Variants in BCOR observed in about 807,000 individuals in gnomAD.
BCOR encodes BCL-6 corepressor.
Under a neutral mutation model 86.7 loss-of-function variants are expected in BCOR, and 10 were observed. The observed-to-expected ratio is 0.12, with a 90% CI of 0.07 to 0.20. The LOEUF is 0.20. BCOR is among the 10% of genes least tolerant of loss of function. The probability of loss-of-function intolerance (pLI) is 1.00; values close to 1 mark genes in which losing one functional copy is unlikely to be tolerated. For synonymous variants in BCOR, 611 were observed against 609.0 expected (o/e 1.00, Z -0.05); for missense variants, 1,259 against 1,452.1 (o/e 0.87, Z 2.16).
intron 1 of BCOR, among the ~76,000 whole-genome samples, chrX:40,145,368 C>T (rs1184648424): frequency 1.8e-5 from 2 of 111,899 alleles, no homozygotes; most frequent in Non-Finnish European, 3.8e-5. Flanking sequence ...AAGGGGACAA[C>T]CTCACCCGAC....
At chrX:40,140,950 C>G (rs1937910845) in intron 1 of BCOR, among the ~76,000 whole-genome samples, 1 of 112,979 alleles carries the variant, frequency 8.9e-6, no homozygotes, top group African/African-American at 3.2e-5. Context: ...TTGGGTCACC[C>G]CTGGTTCACT....
intron 1 of BCOR, among the ~76,000 whole-genome samples, chrX:40,144,370 G>C (rs1439366304): frequency 8.9e-6 from 1 of 111,861 alleles, no homozygotes; most frequent in Non-Finnish European, 1.9e-5. Context: ...GAGCTGAAAA[G>C]AAAACGGTGC....
intron 1 of BCOR, among the ~76,000 whole-genome samples, chrX:40,158,366 C>G (rs1023594707): frequency 1.6e-4 from 18 of 111,872 alleles, no homozygotes; most frequent in Non-Finnish European, 2.5e-4. Context: ...GCGCTGCCCC[C>G]GGCGGTAGGA....
chrX:40,108,719 G>A (rs1937241239), intron 1 of BCOR, among the ~76,000 whole-genome samples: 1 of 113,240 alleles, frequency 8.8e-6, no homozygotes, highest in African/African-American at 3.2e-5. Flanking sequence ...AGCGTCCCGC[G>A]CTTGGGCAAG....
At chrX:40,123,832 C>T (rs749728516) in intron 1 of BCOR, among the ~76,000 whole-genome samples, 7 of 110,049 alleles carry the variant, frequency 6.4e-5, no homozygotes, top group South Asian at 3.9e-4. Context: ...CACGCGCGCA[C>T]GCATAAGAGG....
chrX:40,113,615 G>A (rs1937347047), intron 1 of BCOR, among the ~76,000 whole-genome samples: 1 of 110,260 alleles, frequency 9.1e-6, no homozygotes, highest in African/African-American at 3.3e-5. Context: ...AGACCGTATC[G>A]TCCATAATGG....
At chrX:40,071,480 G>A (rs1044454684) in intron 5 of BCOR, among the ~76,000 whole-genome samples, 157 bp downstream of exon 5, 7 of 111,430 alleles carry the variant, frequency 6.3e-5, no homozygotes, top group Non-Finnish European at 9.4e-5. Flanking sequence ...AAAACACAAC[G>A]CAAAGAAAAC....
intron 1 of BCOR, among the ~76,000 whole-genome samples, chrX:40,148,621 A>T (rs1396080869): frequency 2.7e-5 from 3 of 111,246 alleles, no homozygotes; most frequent in Non-Finnish European, 5.7e-5. Flanking sequence ...GGAGAGAGGG[A>T]GTATAAAGGG....
At chrX:40,065,763 T>C (rs1207944836) in intron 6 of BCOR, among the ~76,000 whole-genome samples, 1 of 111,483 alleles carries the variant, frequency 9.0e-6, no homozygotes, top group African/African-American at 3.3e-5. Context: ...GGGTTATGAG[T>C]CTGGTGTCTT....
intron 1 of BCOR, among the ~76,000 whole-genome samples, chrX:40,083,308 C>T (rs1308258299): frequency 1.8e-5 from 2 of 111,073 alleles, no homozygotes; most frequent in African/African-American, 6.5e-5. Context: ...CCTCCCGACC[C>T]CCTCCCCCGA....
chrX:40,077,924 G>C lies in BCOR; in HGVS notation c.6C>G (p.Leu2=), dbSNP rs753699658. 1.7e-6 allele frequency: 2 copies of C among 1,208,405 alleles called. No individual in the cohort carries two copies. Among genetic ancestry groups the C allele is most frequent in the East Asian group, 5.9e-5 (2 of 33,859 alleles). Residue 2 remains leucine, a synonymous_variant, in exon 2 of 15, where the codon CTC becomes CTG. Transcript: ENST00000378444. ...CGTTCCCATACAGGGGGGTTGCTGA[G>C]AGCATGTCGTCTTCTGGGATGGCAG... is the stretch of plus-strand genomic sequence containing the variant. The part of the protein sequence containing the change: M[L]SATPLYGNVH...
Position 40,072,709 on chromosome X carries a change from G to C in BCOR, c.2637C>G (p.Ser879Arg). 8.3e-7 allele frequency: 1 copy of C among 1,211,845 alleles called. No individual in the cohort carries two copies. Among genetic ancestry groups the C allele is most frequent in the Non-Finnish European group, 1.1e-6 (1 of 895,543 alleles). Residue 879 changes from serine to arginine, a missense_variant, in exon 4 of 15, where the codon AGC (serine) becomes AGG (arginine). By Grantham distance (110) the Ser-to-Arg change is moderately radical. This residue lies in a region of BCOR where 534 missense variants were observed against 594.8 expected (regional missense o/e 0.90). Transcript: ENST00000378444. ...YTFKQPVFTV[S>R]KDSVLAGTNK... ...TGGTACCTGCCAGAACACTGTCCTT[G>C]CTTACGGTGAAGACTGGCTGTTTGA...
chrX:40,169,348 A>AT (rs1938571629), intron 1 of BCOR, among the ~76,000 whole-genome samples: 1 of 112,116 alleles, frequency 8.9e-6, no homozygotes, highest in Admixed American at 9.4e-5. Context: ...CTGGAACAGG[A>AT]ATTCGGTGTC....
At chrX:40,077,484 T>C (rs1339382289) in intron 2 of BCOR, 1 of 215,220 alleles carries the variant, frequency 4.6e-6, no homozygotes, top group Non-Finnish European at 8.4e-6. Flanking sequence ...TCCCCATTTA[T>C]TACTGAGCAA....
At chrX:40,115,741 C>T (rs1388281184) in intron 1 of BCOR, among the ~76,000 whole-genome samples, 2 of 103,836 alleles carry the variant, frequency 1.9e-5, no homozygotes, top group South Asian at 4.4e-4. Flanking sequence ...CGCACCACTG[C>T]ACTCCAGCCT....
chrX:40,107,049 C>T (rs1300733496), intron 1 of BCOR, among the ~76,000 whole-genome samples: 1 of 112,394 alleles, frequency 8.9e-6, no homozygotes, highest in Non-Finnish European at 1.9e-5. Flanking sequence ...CGACTTACCT[C>T]TTTCCCTTTG....
intron 1 of BCOR, among the ~76,000 whole-genome samples, chrX:40,155,496 G>A (rs1328315507): frequency 9.0e-6 from 1 of 110,923 alleles, no homozygotes; most frequent in Non-Finnish European, 1.9e-5. Context: ...AGGAGGAGTG[G>A]GAGGAAGTGG....
At chrX:40,089,053 G>A (rs928715566) in intron 1 of BCOR, among the ~76,000 whole-genome samples, 2 of 111,770 alleles carry the variant, frequency 1.8e-5, no homozygotes, top group Admixed American at 9.4e-5. Flanking sequence ...GAATACCCTC[G>A]TAGGGGAGAT....
Position 40,072,880 on chromosome X carries a change from G to T in BCOR, c.2466C>A (p.Ser822=), listed in dbSNP as rs2147211087. 8.3e-7 allele frequency: 1 copy of T among 1,211,563 alleles called. No individual in the cohort carries two copies. The highest frequency in any genetic ancestry group is 1.1e-6 in the Non-Finnish European group (1 of 895,500). ...CACTCTCTGCTGCAAAGCTGGGTTT[G>T]GACACGTTTGTGTCAGTTTTAGCAT... ...EPDAKTDTNV[S]KPSFAAESVG... Residue 822 remains serine, a synonymous_variant, in exon 4 of 15, where the codon TCC becomes TCA. Transcript: ENST00000378444.
Sources: gnomAD v4.1 joint callset for allele counts (sites outside exome capture counted in the v4.1 genomes callset) on GRCh38, gnomAD v4.1.1 for gene constraint, gnomAD v4.1.1 regional missense constraint, MANE v1.5 for transcripts, NCBI Gene and HGNC (gene_info 2026-07-23, HGNC 2026-07-21) for gene names.